Variants in STK32B observed in about 807,000 individuals in gnomAD.
STK32B encodes the protein serine/threonine kinase 32B.
STK32B carries 43 observed loss-of-function variants against 52.6 expected under a neutral mutation model. The observed-to-expected ratio is 0.82, with a 90% confidence interval of 0.64 to 1.05. The LOEUF (loss-of-function observed/expected upper bound fraction) is 1.05. Among genes scored for constraint, STK32B ranks in the 50% least tolerant of loss-of-function variants. The probability of loss-of-function intolerance (pLI) is 0.00; values close to 1 mark genes in which losing one functional copy is unlikely to be tolerated. For synonymous variants in STK32B, 238 were observed against 204.3 expected, an observed-to-expected ratio of 1.17 and a Z score of -1.41; for missense variants, 621 against 534.6, an observed-to-expected ratio of 1.16 and a Z score of -1.59.
At chr4:5,210,728 C>T (rs1722854949) in intron 3 of STK32B, among the ~76,000 whole-genome samples, 2 of 151,976 alleles carry the variant, frequency 1.3e-5, no homozygotes, top group South Asian at 4.1e-4. Context: ...TTCCTTGGAA[C>T]ACTTACAGTA....
intron 4 of STK32B, among the ~76,000 whole-genome samples, chr4:5,389,547 G>A (rs1736466106): frequency 6.6e-6 from 1 of 152,170 alleles, no homozygotes; most frequent in South Asian, 2.1e-4. Context: ...ACACCAGTCA[G>A]ATTGGATTTG....
At chr4:5,076,183 A>G (rs937323738) in intron 1 of STK32B, among the ~76,000 whole-genome samples, 2 of 152,210 alleles carry the variant, frequency 1.3e-5, no homozygotes, top group Admixed American at 6.5e-5. Flanking sequence ...TTGGGGAAGC[A>G]TACTGTGCTG....
At chr4:5,153,184 A>G (rs898502330) in intron 2 of STK32B, among the ~76,000 whole-genome samples, 7 of 152,196 alleles carry the variant, frequency 4.6e-5, no homozygotes, top group African/African-American at 1.7e-4. Context: ...GAAAATGTCC[A>G]TCAGTGTCCA....
chr4:5,183,304 C>T (rs1405756309), intron 3 of STK32B, among the ~76,000 whole-genome samples: 1 of 151,932 alleles, frequency 6.6e-6, no homozygotes, highest in Non-Finnish European at 1.5e-5. Context: ...ATGGAGAAAC[C>T]CCATCTCTAC....
intron 3 of STK32B, among the ~76,000 whole-genome samples, chr4:5,320,737 T>G (rs1387579258): frequency 6.6e-6 from 1 of 152,142 alleles, no homozygotes; most frequent in African/African-American, 2.4e-5. Flanking sequence ...CTATATTTAG[T>G]GTTTGATCAT....
chr4:5,486,689 G>A (rs775096468), intron 11 of STK32B, among the ~76,000 whole-genome samples: 3 of 152,220 alleles, frequency 2.0e-5, no homozygotes, highest in African/African-American at 4.8e-5. Context: ...GCTGGGAGCT[G>A]TAGACTGGGA....
At chr4:5,101,662 T>A (rs1713795239) in intron 1 of STK32B, among the ~76,000 whole-genome samples, 1 of 152,210 alleles carries the variant, frequency 6.6e-6, no homozygotes, top group Admixed American at 6.5e-5. Flanking sequence ...CTTTCTTTGC[T>A]ATTTTTTTTA....
chr4:5,245,409 T>G (rs1725369274), intron 3 of STK32B, among the ~76,000 whole-genome samples: 1 of 152,188 alleles, frequency 6.6e-6, no homozygotes, highest in Non-Finnish European at 1.5e-5. Flanking sequence ...ACCCCTGCCT[T>G]TTTTTGTTTT....
At chr4:5,382,297 C>T (rs964226795) in intron 4 of STK32B, among the ~76,000 whole-genome samples, 1 of 152,200 alleles carries the variant, frequency 6.6e-6, no homozygotes, top group Non-Finnish European at 1.5e-5. Flanking sequence ...ATTCCTTGAG[C>T]ATAAGACTCC....
At chr4:5,418,721 T>C (rs986966688) in intron 6 of STK32B, among the ~76,000 whole-genome samples, 4 of 152,268 alleles carry the variant, frequency 2.6e-5, no homozygotes, top group Non-Finnish European at 5.9e-5. Context: ...GAAAATGCCC[T>C]GTTCCCAGTT....
intron 4 of STK32B, among the ~76,000 whole-genome samples, chr4:5,373,392 C>T (rs1445496535): frequency 1.3e-5 from 2 of 152,138 alleles, no homozygotes; most frequent in Non-Finnish European, 2.9e-5. Flanking sequence ...AAGAGAAACC[C>T]CCATGTTTCA....
chr4:5,411,486 C>A (rs1711673040), intron 5 of STK32B, among the ~76,000 whole-genome samples: 1 of 152,136 alleles, frequency 6.6e-6, no homozygotes, highest in Non-Finnish European at 1.5e-5. Context: ...ATATATACAA[C>A]TAAAAATAGC....
At chr4:5,041,458 G>C in the STK32B span, among the ~76,000 whole-genome samples, 1 of 152,166 alleles carries the variant, frequency 6.6e-6, no homozygotes, top group Non-Finnish European at 1.5e-5. Context: ...CACTTAATTT[G>C]AGGTCACCAT....
At chr4:5,323,948 C>T (rs759766201) in intron 3 of STK32B, among the ~76,000 whole-genome samples, 3 of 152,196 alleles carry the variant, frequency 2.0e-5, no homozygotes, top group Non-Finnish European at 4.4e-5. Context: ...TGGCTGTCAT[C>T]TTGGACATGT....
intron 1 of STK32B, among the ~76,000 whole-genome samples, chr4:5,105,126 A>T (rs1385236672): frequency 6.6e-6 from 1 of 152,172 alleles, no homozygotes; most frequent in African/African-American, 2.4e-5. Context: ...AGCTACTGGT[A>T]GGTGTGTAAT....
At chr4:5,464,168 T>C (rs1717247774) in intron 9 of STK32B, among the ~76,000 whole-genome samples, 1 of 152,192 alleles carries the variant, frequency 6.6e-6, no homozygotes, top group Admixed American at 6.5e-5. Context: ...TCACTCACTA[T>C]TGTGAGGACA....
chr4:5,275,233 G>T lies in STK32B; in HGVS notation c.261-55987G>T, dbSNP rs188855884. On this transcript the variant is annotated intron_variant, in intron 3 of 11. Transcript: ENST00000282908. ...CAATTATATAATATTAAGTGATGAT[G>T]TAGATTCAACTTAGTTACATCCTGT... is the stretch of plus-strand genomic sequence containing the variant. 5.9e-5 allele frequency among the ~76,000 whole-genome samples: 9 copies of T among 152,324 alleles called. No individual in the cohort carries two copies. The East Asian group carries it at 1.7e-3, about 29-fold the overall frequency.
intron 1 of STK32B, among the ~76,000 whole-genome samples, chr4:5,137,170 C>T (rs575748298): frequency 6.6e-6 from 1 of 152,272 alleles, no homozygotes; most frequent in African/African-American, 2.4e-5. Context: ...AAAGCTGTGG[C>T]CAAGGAATGT....
At chr4:5,379,097 C>A (rs761822651) in intron 4 of STK32B, among the ~76,000 whole-genome samples, 1 of 152,150 alleles carries the variant, frequency 6.6e-6, no homozygotes, top group Non-Finnish European at 1.5e-5. Context: ...AGGCTGCCCC[C>A]TCCCTACCTG....
Sources: allele counts gnomAD v4.1 joint callset (sites outside exome capture counted in the v4.1 genomes callset), GRCh38; gene constraint gnomAD v4.1.1; transcripts MANE v1.5; gene names NCBI Gene and HGNC (gene_info 2026-07-23, HGNC 2026-07-21).